The following ACOT7 variants were observed in gnomAD, a reference collection of about 807,000 sequenced individuals.
ACOT7 encodes the protein cytosolic acyl coenzyme A thioester hydrolase.
In ACOT7, 12 loss-of-function variants were observed where a neutral mutation model predicts 40.2. The ratio of observed to expected loss-of-function variants is 0.30; its 90% CI spans 0.19 to 0.48. The LOEUF is 0.48. ACOT7 is among the 20% of genes least tolerant of loss of function. The pLI is 0.99. For synonymous variants in ACOT7, 228 were observed against 219.5 expected (o/e 1.04, Z -0.34); for missense variants, 395 against 530.8 (o/e 0.74, Z 2.51).
intron 4 of ACOT7, 104 bp from the exon 5 acceptor site, chr1:6,327,517 A>AT (rs1350708109): frequency 1.7e-5 from 16 of 918,864 alleles, no homozygotes; most frequent in African/African-American, 1.5e-4. Context: ...AACTGGGACT[A>AT]TTTTTTCTTC....
chr1:6,273,847 C>A (rs1003556571), intron 8 of ACOT7, among the ~76,000 whole-genome samples: 1 of 152,216 alleles, frequency 6.6e-6, no homozygotes, highest in African/African-American at 2.4e-5. Flanking sequence ...GGAGTAGGTG[C>A]GGCCCCTCCC....
At chr1:6,384,920 T>C (rs1352930491) in intron 1 of ACOT7, among the ~76,000 whole-genome samples, 2 of 151,958 alleles carry the variant, frequency 1.3e-5, no homozygotes, top group Admixed American at 6.5e-5. Context: ...GAATGAATTG[T>C]ATGGCATGTG....
intron 6 of ACOT7, among the ~76,000 whole-genome samples, chr1:6,296,129 G>T (rs890163553): frequency 6.6e-6 from 1 of 151,844 alleles, no homozygotes; most frequent in African/African-American, 2.4e-5. Flanking sequence ...CTCCTGGACT[G>T]AAACGATCTG....
At chr1:6,296,049 C>T (rs1203493908) in intron 6 of ACOT7, among the ~76,000 whole-genome samples, 1 of 152,066 alleles carries the variant, frequency 6.6e-6, no homozygotes, top group Non-Finnish European at 1.5e-5. Context: ...GGATGACAGG[C>T]ACATGTTACC....
intron 2 of ACOT7, among the ~76,000 whole-genome samples, chr1:6,343,464 C>T (rs1641331942): frequency 6.6e-6 from 1 of 152,268 alleles, no homozygotes; most frequent in Non-Finnish European, 1.5e-5. Flanking sequence ...AGTTCTAGAG[C>T]TGGCAAGGGT....
intron 1 of ACOT7, among the ~76,000 whole-genome samples, chr1:6,351,601 A>C (rs1641592974): frequency 6.6e-6 from 1 of 152,210 alleles, no homozygotes; most frequent in African/African-American, 2.4e-5. Context: ...GCACTAGCCA[A>C]GGCTGTGGGT....
chr1:6,325,747 G>A (rs540771077), intron 5 of ACOT7, among the ~76,000 whole-genome samples: 57 of 152,292 alleles, frequency 3.7e-4, no homozygotes, highest in Admixed American at 1.3e-3. Flanking sequence ...CAGCAGCCAA[G>A]CCCAGAAAGC....
chr1:6,344,526 G>A (rs1353847077), intron 2 of ACOT7, among the ~76,000 whole-genome samples: 1 of 152,152 alleles, frequency 6.6e-6, no homozygotes, highest in Admixed American at 6.5e-5. Flanking sequence ...AGCACTTTAG[G>A]AGGCCGAGGC....
Position 6,355,837 on chromosome 1 carries a change from G to A in ACOT7, c.144-5971C>T, listed in dbSNP as rs899486744. On this transcript the variant is annotated intron_variant, in intron 1 of 8. Transcript: ENST00000361521. The surrounding 1 kb of genome is among the most constrained non-coding windows in gnomAD (Gnocchi z 5.0). ...GGACAGCCCGAGCCTGTTCCGCAGC[G>A]GGAGTGAGGCGCCTGGAACAATTGA... Among the ~76,000 whole-genome samples, 1 of 152,136 alleles carries A rather than the reference G, an allele frequency of 6.6e-6. No individual in the cohort carries two copies. The highest frequency in any genetic ancestry group is 2.4e-5 in the African/African-American group (1 of 41,426).
intron 1 of ACOT7, chr1:6,360,792 C>A (rs1641873101): frequency 2.0e-6 from 3 of 1,484,156 alleles, no homozygotes; most frequent in Admixed American, 2.1e-5. Context: ...CCTAAGCAAC[C>A]CTTCCAGCTG....
chr1:6,309,408 G>A (rs764064015), intron 6 of ACOT7, among the ~76,000 whole-genome samples: 4 of 152,172 alleles, frequency 2.6e-5, no homozygotes, highest in African/African-American at 4.8e-5. Context: ...ACATAAAGTC[G>A]GCCTGCTCCT....
chr1:6,333,053 G>A (rs537829930), intron 4 of ACOT7, among the ~76,000 whole-genome samples: 4 of 152,232 alleles, frequency 2.6e-5, no homozygotes, highest in South Asian at 4.1e-4. Context: ...CCCGGCCCCC[G>A]CAGCCTGGTG....
chr1:6,313,431 G>A (rs1435745550), intron 6 of ACOT7, among the ~76,000 whole-genome samples: 1 of 152,184 alleles, frequency 6.6e-6, no homozygotes, highest in Non-Finnish European at 1.5e-5. Context: ...AGCCCTGTAA[G>A]GAACACTTCC....
chr1:6,324,549 G>A (rs949072334), intron 5 of ACOT7, among the ~76,000 whole-genome samples: 1 of 152,136 alleles, frequency 6.6e-6, no homozygotes, highest in Non-Finnish European at 1.5e-5. Flanking sequence ...TCAGTTAAAG[G>A]CAGAAGCTAG....
rs972889450 is a variant in ACOT7, at chr1:6,311,719, A to G, written c.712+6773T>C. ...ACAAGAAGGATTTCAGAACTGGGAAACTTGCTGAGAAGAAGGGAAACACAC... is the reference window on the plus strand; with the variant it reads ...ACAAGAAGGATTTCAGAACTGGGAAGCTTGCTGAGAAGAAGGGAAACACAC... On this transcript the variant is annotated intron_variant, in intron 6 of 8. Transcript: ENST00000361521. This position sits in a 1 kb window ranked among gnomAD's most constrained non-coding sequence, Gnocchi z 5.2. Among the ~76,000 whole-genome samples, 26 of 152,334 alleles carry G rather than the reference A, an allele frequency of 1.7e-4. No individual in the cohort carries two copies. Among genetic ancestry groups the G allele is most frequent in the Middle Eastern group, 6.8e-3 (2 of 294 alleles).
At chr1:6,317,388 G>C (rs1464465859) in intron 6 of ACOT7, among the ~76,000 whole-genome samples, 1 of 152,224 alleles carries the variant, frequency 6.6e-6, no homozygotes. Flanking sequence ...GTCCATCTGT[G>C]AACCTAGAGC....
intron 6 of ACOT7, among the ~76,000 whole-genome samples, chr1:6,315,439 T>G (rs1372367009): frequency 6.6e-6 from 1 of 152,130 alleles, no homozygotes; most frequent in Non-Finnish European, 1.5e-5. Context: ...TCACTCGTGG[T>G]GAGTTACCAG....
chr1:6,337,121 A>G (rs1641127465), intron 3 of ACOT7, among the ~76,000 whole-genome samples: 1 of 152,244 alleles, frequency 6.6e-6, no homozygotes, highest in Admixed American at 6.5e-5. Context: ...CGCGCACGAC[A>G]GCGCAATGCC....
In ACOT7 at chr1:6,301,856, G is replaced by A. The variant is rs1271548620; in HGVS notation, c.713-6876C>T. On this transcript the variant is annotated intron_variant, in intron 6 of 8. Coordinates refer to ENST00000361521, the MANE Select transcript of ACOT7 (RefSeq NM_007274.4). This position sits in a 1 kb window ranked among gnomAD's most constrained non-coding sequence, Gnocchi z 4.1. ...AATGATCTTGCTGTGTGAGCTGGAC[G>A]GTGACATTTACAGGGACAGCCTCCT... 2.6e-5 allele frequency among the ~76,000 whole-genome samples: 4 copies of A among 152,148 alleles called. No homozygotes were observed. The highest frequency in any genetic ancestry group is 5.9e-5 in the Non-Finnish European group (4 of 68,008).
Sources: gnomAD v4.1 joint callset for allele counts (sites outside exome capture counted in the v4.1 genomes callset) on GRCh38, gnomAD v4.1.1 for gene constraint, Gnocchi (gnomAD v3.1) non-coding constraint, MANE v1.5 for transcripts, NCBI Gene and HGNC (gene_info 2026-07-23, HGNC 2026-07-21) for gene names.